Variants in PREP observed in about 807,000 individuals in gnomAD.
The protein encoded by PREP is prolyl endopeptidase, also known as dJ355L5.1 (prolyl endopeptidase).
A neutral mutation model predicts 87.6 loss-of-function variants in PREP; 29 were observed. That is an observed-to-expected ratio of 0.33 (90% CI 0.25 to 0.45). The LOEUF (loss-of-function observed/expected upper bound fraction) is 0.45, where lower values mean the gene tolerates loss of function less well. PREP is among the 20% of genes least tolerant of loss of function. The pLI is 1.00. For missense variants in PREP, 695 were observed against 886.5 expected (o/e 0.78, Z 2.74); for synonymous variants, 337 against 328.6 (o/e 1.03, Z -0.28).
At chr6:105,283,662 G>A (rs571331831) in intron 12 of PREP, among the ~76,000 whole-genome samples, 2 of 152,270 alleles carry the variant, frequency 1.3e-5, no homozygotes, top group East Asian at 3.9e-4. Flanking sequence ...TAACAGAATG[G>A]AATTTAGATT....
chr6:105,393,734 T>C (rs946424262), intron 2 of PREP, among the ~76,000 whole-genome samples: 3 of 152,192 alleles, frequency 2.0e-5, no homozygotes, highest in Non-Finnish European at 4.4e-5. Flanking sequence ...AATTTTCCAT[T>C]ACAAGTCTTC....
chr6:105,296,772 A>G (rs923617248), intron 10 of PREP, among the ~76,000 whole-genome samples: 8 of 151,932 alleles, frequency 5.3e-5, no homozygotes, highest in African/African-American at 1.9e-4. Context: ...ATTCCTCGAA[A>G]TCTTTTTCAA....
At chr6:105,351,918 A>G (rs1418032704) in intron 7 of PREP, among the ~76,000 whole-genome samples, 1 of 152,214 alleles carries the variant, frequency 6.6e-6, no homozygotes, top group African/African-American at 2.4e-5. Context: ...AACTCTAGGA[A>G]AAAAGTTGCT....
At chr6:105,320,734 T>C (rs986679873) in intron 10 of PREP, among the ~76,000 whole-genome samples, 1 of 152,196 alleles carries the variant, frequency 6.6e-6, no homozygotes, top group Non-Finnish European at 1.5e-5. Context: ...AAGTCACCTA[T>C]GAGGTAAATA....
At chr6:105,305,626 T>A (rs1378106021) in intron 10 of PREP, among the ~76,000 whole-genome samples, 1 of 152,142 alleles carries the variant, frequency 6.6e-6, no homozygotes, top group East Asian at 1.9e-4. Context: ...TTCTTTTTGA[T>A]TTATATTCTG....
At chr6:105,392,995 G>A (rs903030867) in intron 2 of PREP, among the ~76,000 whole-genome samples, 3 of 152,228 alleles carry the variant, frequency 2.0e-5, no homozygotes, top group South Asian at 2.1e-4. Context: ...ATGCCAGTGA[G>A]TCTATCATCT....
At chr6:105,334,671 T>C (rs774910460) in intron 7 of PREP, among the ~76,000 whole-genome samples, 1 of 149,268 alleles carries the variant, frequency 6.7e-6, no homozygotes, top group African/African-American at 2.5e-5. Context: ...TGGGCTGAGA[T>C]TGCGCCACTT....
At chr6:105,397,815 A>G (rs6910088) in intron 2 of PREP, 38 bp downstream of exon 2, 1 of 1,479,358 alleles carries the variant, frequency 6.8e-7, no homozygotes, top group Non-Finnish European at 9.5e-7. Context: ...GGTGCTAGCT[A>G]CTAAGGCTGC....
In PREP at chr6:105,394,509, T is replaced by C. The variant is rs999626341; in HGVS notation, c.120+3344A>G. On this transcript the variant is annotated intron_variant, in intron 2 of 14. Transcript: ENST00000652536. ...AATATATAAAATAACCAAAGTTTGATAGAAGAGAAAATAGAATTATCACTA... is the reference window on the plus strand; with the variant it reads ...AATATATAAAATAACCAAAGTTTGACAGAAGAGAAAATAGAATTATCACTA... Among the ~76,000 whole-genome samples, 30 of 152,190 alleles carry C rather than the reference T, an allele frequency of 2.0e-4. 1 individual carries two copies. The highest frequency in any genetic ancestry group is 6.5e-4 in the African/African-American group (27 of 41,454).
chr6:105,397,947 G>A lies in PREP; in HGVS notation c.46-20C>T. The stretch of plus-strand genomic sequence containing the variant: ...CTGTACCTGTAAAAAACAAAATGAG[G>A]TATTAGATAATTACTCTCTAACCCC... On this transcript the variant is annotated intron_variant, in intron 1 of 14. Transcript: ENST00000652536. 6.5e-7 allele frequency: 1 copy of A among 1,547,038 alleles called. No individual in the cohort carries two copies. Among genetic ancestry groups the A allele is most frequent in the Non-Finnish European group, 8.9e-7 (1 of 1,119,408 alleles).
chr6:105,382,319 T>C (rs1445435185), intron 2 of PREP, among the ~76,000 whole-genome samples: 1 of 136,296 alleles, frequency 7.3e-6, no homozygotes, highest in Admixed American at 7.4e-5. Context: ...ACACAAAGTA[T>C]GTGAGGTAAT....
chr6:105,282,327 GCTCTCCTTATACCA>G, intron 13 of PREP, 110 bp downstream of exon 13: 1 of 1,181,828 alleles, frequency 8.5e-7, no homozygotes. Flanking sequence ...AATGGGTTTT[GCTCTCCTTATACCA>G]CTTTGTGGTC....
At position 105,368,745 on chromosome 6, in the gene PREP, C is replaced by T. The variant is rs562925857; in HGVS notation, c.717+158G>A. Among the ~76,000 whole-genome samples the T allele has an allele frequency of 2.1e-4, 32 of 152,290 alleles. No individual in the cohort carries two copies. In the East Asian group the frequency reaches 6.2e-3, roughly 29 times the overall value. ...ATTGCAGTTAAAGGTTTATCACCTCCATTATTAAGAGTCAATCTGAATACC... is the reference window on the plus strand; with the variant it reads ...ATTGCAGTTAAAGGTTTATCACCTCTATTATTAAGAGTCAATCTGAATACC... On this transcript the variant is annotated intron_variant, in intron 6 of 14. Transcript: ENST00000652536.
intron 10 of PREP, among the ~76,000 whole-genome samples, chr6:105,299,071 T>C (rs902318222): frequency 6.6e-5 from 10 of 152,350 alleles, no homozygotes; most frequent in South Asian, 6.2e-4. Context: ...CCCACACTGA[T>C]TCTTGATAGA....
At chr6:105,296,222 A>C (rs1300727201) in intron 10 of PREP, among the ~76,000 whole-genome samples, 3 of 152,178 alleles carry the variant, frequency 2.0e-5, no homozygotes, top group Non-Finnish European at 4.4e-5. Context: ...TTATTAGCAA[A>C]CATTTTCATA....
intron 2 of PREP, among the ~76,000 whole-genome samples, chr6:105,389,822 T>G (rs1206029054): frequency 1.3e-5 from 2 of 151,942 alleles, no homozygotes; most frequent in African/African-American, 4.8e-5. Flanking sequence ...GACACCGAAA[T>G]TGACACCAGA....
intron 7 of PREP, among the ~76,000 whole-genome samples, chr6:105,349,019 C>T (rs1042801226): frequency 6.6e-6 from 1 of 151,440 alleles, no homozygotes; most frequent in African/African-American, 2.5e-5. Flanking sequence ...AGACGATCTG[C>T]TTAGCTGTTC....
intron 2 of PREP, among the ~76,000 whole-genome samples, chr6:105,388,889 G>A (rs979300679): frequency 6.6e-6 from 1 of 152,170 alleles, no homozygotes; most frequent in Non-Finnish European, 1.5e-5. Context: ...TTAAAAAGAC[G>A]CTACTTTAAG....
rs140302009 is a variant in PREP at position 105,397,117 on chromosome 6, G to A, written c.120+736C>T. On this transcript the variant is annotated intron_variant, in intron 2 of 14. Coordinates refer to ENST00000652536, the MANE Select transcript of PREP (RefSeq NM_002726.5). ...CAAGAATTGCTTGAACCCAGGAGGC[G>A]GAGGTTGCAGTGAGCCAAGATCGCA... Among the ~76,000 whole-genome samples the A allele has an allele frequency of 1.6e-3, 248 of 150,950 alleles. 3 individuals carry two copies. Among genetic ancestry groups the A allele is most frequent in the African/African-American group, 4.9e-3 (201 of 40,744 alleles).
Sources: allele counts gnomAD v4.1 joint callset (sites outside exome capture counted in the v4.1 genomes callset), GRCh38; gene constraint gnomAD v4.1.1; transcripts MANE v1.5; gene names NCBI Gene and HGNC (gene_info 2026-07-23, HGNC 2026-07-21).